Variants in ACOXL observed in about 807,000 individuals in gnomAD.
The protein encoded by ACOXL is acyl-CoA oxidase like.
In ACOXL, 70 loss-of-function variants were observed where a neutral mutation model predicts 71.9. The ratio of observed to expected loss-of-function variants is 0.97; its 90% CI spans 0.80 to 1.19. The LOEUF is 1.19. Among genes scored for constraint, ACOXL ranks in the 50% most tolerant of loss-of-function variants. ACOXL has a pLI of 0.00. For synonymous variants in ACOXL, 253 were observed against 281.6 expected (o/e 0.90, Z 1.02); for missense variants, 703 against 736.3 (o/e 0.95, Z 0.52).
At chr2:110,982,132 G>A (rs1215197015) in intron 12 of ACOXL, among the ~76,000 whole-genome samples, 1 of 151,994 alleles carries the variant, frequency 6.6e-6, no homozygotes, top group East Asian at 1.9e-4. Context: ...GTGGTTTTTT[G>A]TTTTGGTTTG....
intron 14 of ACOXL, among the ~76,000 whole-genome samples, chr2:111,029,579 C>T (rs1176682715): frequency 6.6e-6 from 1 of 152,210 alleles, no homozygotes; most frequent in African/African-American, 2.4e-5. Flanking sequence ...TACCAATAAA[C>T]TCTAATTCAA....
chr2:110,738,189 C>G (rs1677101200), intron 1 of ACOXL, among the ~76,000 whole-genome samples: 1 of 152,198 alleles, frequency 6.6e-6, no homozygotes. Context: ...GCTAACATTC[C>G]CAACTGCTTC....
intron 12 of ACOXL, among the ~76,000 whole-genome samples, chr2:110,978,187 C>T (rs6717346): frequency 0.56 from 84,492 of 151,930 alleles, 24,045 homozygotes; most frequent in East Asian, 0.82. Context: ...GAGTCCAAGA[C>T]CAAGATGCTG....
intron 17 of ACOXL, among the ~76,000 whole-genome samples, chr2:111,105,301 T>A (rs1287723245): frequency 2.6e-5 from 4 of 152,184 alleles, no homozygotes; most frequent in African/African-American, 9.6e-5. Flanking sequence ...AAAATCACTT[T>A]AGCTATTCTA....
intron 16 of ACOXL, among the ~76,000 whole-genome samples, chr2:111,051,963 CT>C (rs994501054): frequency 1.3e-5 from 2 of 152,142 alleles, no homozygotes; most frequent in African/African-American, 4.8e-5. Context: ...TCAAAAGCCC[CT>C]CCCTCAATCA....
intron 12 of ACOXL, among the ~76,000 whole-genome samples, chr2:110,977,352 C>T (rs901603037): frequency 6.6e-6 from 1 of 151,800 alleles, no homozygotes; most frequent in Non-Finnish European, 1.5e-5. Flanking sequence ...CCACTGCACC[C>T]CAGCCTGGGT....
intron 16 of ACOXL, among the ~76,000 whole-genome samples, chr2:111,080,993 A>G (rs990777629): frequency 6.6e-6 from 1 of 152,218 alleles, no homozygotes; most frequent in African/African-American, 2.4e-5. Context: ...AAAACTCTCA[A>G]TAAACTAGGT....
intron 17 of ACOXL, among the ~76,000 whole-genome samples, chr2:111,115,761 T>C (rs957383379): frequency 6.6e-6 from 1 of 152,226 alleles, no homozygotes; most frequent in African/African-American, 2.4e-5. Flanking sequence ...TTAGAAAGAA[T>C]CTTGGCAGTC....
chr2:110,926,553 A>G (rs1168541934), intron 11 of ACOXL, among the ~76,000 whole-genome samples: 3 of 152,200 alleles, frequency 2.0e-5, no homozygotes, highest in Non-Finnish European at 4.4e-5. Flanking sequence ...TTCCCCATCT[A>G]TAACATAGGA....
chr2:111,116,969 G>A (rs1388747878), intron 17 of ACOXL, among the ~76,000 whole-genome samples: 1 of 152,210 alleles, frequency 6.6e-6, no homozygotes, highest in African/African-American at 2.4e-5. Context: ...AAGGGCATCC[G>A]CGGCGTTCCT....
intron 10 of ACOXL, among the ~76,000 whole-genome samples, chr2:110,906,437 G>C (rs1007086388): frequency 2.0e-5 from 3 of 151,454 alleles, no homozygotes; most frequent in Non-Finnish European, 2.9e-5. Context: ...TACTCGGGAG[G>C]CTGAGGCAGA....
chr2:110,819,614 G>A (rs1157519794), intron 9 of ACOXL, among the ~76,000 whole-genome samples: 1 of 152,132 alleles, frequency 6.6e-6, no homozygotes, highest in Admixed American at 6.5e-5. Context: ...CGAAGAGGAG[G>A]GAATTCAAGT....
At chr2:110,812,180 T>A (rs943075606) in intron 9 of ACOXL, among the ~76,000 whole-genome samples, 4 of 152,222 alleles carry the variant, frequency 2.6e-5, no homozygotes, top group African/African-American at 9.6e-5. Flanking sequence ...GGATATAATT[T>A]GACTCATAAA....
At chr2:111,058,230 T>C (rs1239904823) in intron 16 of ACOXL, among the ~76,000 whole-genome samples, 1 of 152,176 alleles carries the variant, frequency 6.6e-6, no homozygotes, top group Non-Finnish European at 1.5e-5. Context: ...CATTTCACCA[T>C]TTAAATAGAG....
At chr2:110,999,034 G>A (rs2063510778) in intron 14 of ACOXL, among the ~76,000 whole-genome samples, 1 of 152,206 alleles carries the variant, frequency 6.6e-6, no homozygotes, top group African/African-American at 2.4e-5. Flanking sequence ...TCAAAAGGTT[G>A]TTATATTAGT....
intron 10 of ACOXL, among the ~76,000 whole-genome samples, chr2:110,902,239 G>A (rs977562737): frequency 6.6e-6 from 1 of 152,176 alleles, no homozygotes; most frequent in Non-Finnish European, 1.5e-5. Flanking sequence ...GGAGGCCCAG[G>A]TGGGCAGATC....
At chr2:110,929,267 T>C in intron 11 of ACOXL, among the ~76,000 whole-genome samples, 1 of 152,152 alleles carries the variant, frequency 6.6e-6, no homozygotes, top group East Asian at 1.9e-4. Flanking sequence ...GATGAAGAAT[T>C]TGTTGGGAAC....
intron 10 of ACOXL, among the ~76,000 whole-genome samples, chr2:110,844,084 C>T (rs1307779480): frequency 6.6e-6 from 1 of 152,108 alleles, no homozygotes; most frequent in Non-Finnish European, 1.5e-5. Context: ...ACTTTGGGAG[C>T]AGAAAGAATG....
intron 3 of ACOXL, among the ~76,000 whole-genome samples, chr2:110,789,002 A>G (rs1203726090): frequency 1.3e-5 from 2 of 152,164 alleles, no homozygotes; most frequent in Admixed American, 6.5e-5. Context: ...AATTCATCAA[A>G]ATCAGCTGTG....
Sources: allele counts gnomAD v4.1 joint callset (sites outside exome capture counted in the v4.1 genomes callset), GRCh38; gene constraint gnomAD v4.1.1; transcripts MANE v1.5; gene names NCBI Gene and HGNC (gene_info 2026-07-23, HGNC 2026-07-21).